The following AKAP19 variants were observed in gnomAD, a reference collection of about 807,000 sequenced individuals.
The protein encoded by AKAP19 is small A-kinase anchoring protein.
At chr2:190,158,586 G>A in the AKAP19 span, among the ~76,000 whole-genome samples, 1 of 152,134 alleles carries the variant, frequency 6.6e-6, no homozygotes, top group Non-Finnish European at 1.5e-5. Context: ...TGATTAAATT[G>A]TAAATTCCTG....
At chr2:189,999,164 T>G in the AKAP19 span, among the ~76,000 whole-genome samples, 1 of 152,154 alleles carries the variant, frequency 6.6e-6, no homozygotes, top group Admixed American at 6.6e-5. Context: ...GTTTTTTTTT[T>G]GTAGAAATTT....
chr2:189,992,601 T>C, the AKAP19 span, among the ~76,000 whole-genome samples: 1 of 152,228 alleles, frequency 6.6e-6, no homozygotes, highest in Non-Finnish European at 1.5e-5. Context: ...AATCTTTAGA[T>C]TGCTTTTGGC....
the AKAP19 span, among the ~76,000 whole-genome samples, chr2:189,938,089 A>G: frequency 5.3e-5 from 8 of 152,112 alleles, no homozygotes; most frequent in Non-Finnish European, 8.8e-5. Flanking sequence ...TAATCCCAGG[A>G]CTTTGGGAGG....
the AKAP19 span, among the ~76,000 whole-genome samples, chr2:189,909,127 T>G: frequency 6.6e-6 from 1 of 152,110 alleles, no homozygotes; most frequent in African/African-American, 2.4e-5. Context: ...TTGTCTCTTT[T>G]TACAATTTTT....
At chr2:189,887,364 T>C in the AKAP19 span, among the ~76,000 whole-genome samples, 4 of 152,210 alleles carry the variant, frequency 2.6e-5, no homozygotes, top group Non-Finnish European at 5.9e-5. Flanking sequence ...CATTTTCTTA[T>C]TCCAGTCTAT....
the AKAP19 span, among the ~76,000 whole-genome samples, chr2:190,006,143 G>A: frequency 6.6e-6 from 1 of 152,186 alleles, no homozygotes; most frequent in African/African-American, 2.4e-5. Context: ...TTCATGAGAT[G>A]AATGAGTAAT....
At chr2:189,916,573 C>T in the AKAP19 span, among the ~76,000 whole-genome samples, 5 of 152,048 alleles carry the variant, frequency 3.3e-5, no homozygotes, top group East Asian at 3.8e-4. Context: ...CCACCCGCCT[C>T]GGCCTCCCAA....
the AKAP19 span, chr2:189,930,562 G>A: frequency 4.3e-6 from 1 of 231,672 alleles, no homozygotes; most frequent in Non-Finnish European, 8.6e-6. Flanking sequence ...TGTAGTCCCA[G>A]CTACTCCGGA....
At chr2:190,082,778 G>T in the AKAP19 span, among the ~76,000 whole-genome samples, 1 of 152,168 alleles carries the variant, frequency 6.6e-6, no homozygotes, top group Admixed American at 6.5e-5. Flanking sequence ...TGGTAGAAAT[G>T]GGATTTGGAG....
chr2:189,998,254 G>A, the AKAP19 span, among the ~76,000 whole-genome samples: 1 of 152,256 alleles, frequency 6.6e-6, no homozygotes, highest in Non-Finnish European at 1.5e-5. Flanking sequence ...AGTCCATGGT[G>A]TCAGTCTCCA....
At chr2:190,165,712 G>A in the AKAP19 span, among the ~76,000 whole-genome samples, 3 of 152,136 alleles carry the variant, frequency 2.0e-5, no homozygotes, top group African/African-American at 7.2e-5. Context: ...GAGAGAATGA[G>A]GGGAGGCAAT....
the AKAP19 span, among the ~76,000 whole-genome samples, chr2:189,880,801 A>T: frequency 4.6e-5 from 7 of 152,218 alleles, no homozygotes; most frequent in African/African-American, 1.7e-4. Flanking sequence ...TGGGGACCCC[A>T]AATGTTGATC....
At chr2:189,924,227 G>A in the AKAP19 span, 2 of 1,510,116 alleles carry the variant, frequency 1.3e-6, no homozygotes, top group Non-Finnish European at 9.2e-7. Context: ...GCACATAGTG[G>A]GGTTTAGAAA....
chr2:189,980,498 T>A, the AKAP19 span, among the ~76,000 whole-genome samples: 2 of 151,920 alleles, frequency 1.3e-5, no homozygotes. Context: ...CCATGCCCAG[T>A]TAGTTTTTGT....
At chr2:190,093,720 T>C in the AKAP19 span, among the ~76,000 whole-genome samples, 1 of 152,226 alleles carries the variant, frequency 6.6e-6, no homozygotes, top group East Asian at 1.9e-4. Flanking sequence ...TTCAGTCTTT[T>C]GGGAATATGA....
chr2:189,983,951 T>G, the AKAP19 span, among the ~76,000 whole-genome samples: 1 of 152,176 alleles, frequency 6.6e-6, no homozygotes, highest in East Asian at 1.9e-4. Flanking sequence ...CAGCAAGTTT[T>G]TTTTAGGAAT....
the AKAP19 span, among the ~76,000 whole-genome samples, chr2:189,979,916 A>C: frequency 6.6e-6 from 1 of 152,222 alleles, no homozygotes; most frequent in African/African-American, 2.4e-5. Flanking sequence ...AAGGCAAAAA[A>C]TAACAGATTT....
the AKAP19 span, among the ~76,000 whole-genome samples, chr2:190,099,203 G>T: frequency 3.9e-5 from 6 of 152,166 alleles, no homozygotes; most frequent in Admixed American, 1.3e-4. Context: ...CTACCTTTCA[G>T]CCTGCCTTGG....
At chr2:190,045,266 A>C in the AKAP19 span, among the ~76,000 whole-genome samples, 1 of 151,948 alleles carries the variant, frequency 6.6e-6, no homozygotes, top group East Asian at 1.9e-4. Flanking sequence ...GCTGTGCTGG[A>C]GGATCCCTTC....
Sources: gnomAD v4.1 joint callset for allele counts (sites outside exome capture counted in the v4.1 genomes callset) on GRCh38, gnomAD v4.1.1 for gene constraint, MANE v1.5 for transcripts, NCBI Gene and HGNC (gene_info 2026-07-23, HGNC 2026-07-21) for gene names.